Variants in KIAA0753 observed in about 807,000 individuals in gnomAD.
The protein encoded by KIAA0753 is KIAA0753.
KIAA0753 carries 114 observed loss-of-function variants against 116.9 expected under a neutral mutation model. The observed-to-expected ratio is 0.98, with a 90% CI of 0.84 to 1.14. The LOEUF (loss-of-function observed/expected upper bound fraction) is 1.14, where lower values mean the gene tolerates loss of function less well. KIAA0753 is among the 50% of genes most tolerant of loss of function. KIAA0753 has a pLI of 0.00. For synonymous variants in KIAA0753, 405 were observed against 413.1 expected (o/e 0.98, Z 0.24); for missense variants, 1,156 against 1,172.4 (o/e 0.99, Z 0.20).
rs1178808159 is a variant in KIAA0753 at position 6,590,519 on chromosome 17, C to T, written c.2552G>A (p.Cys851Tyr). Residue 851 changes from cysteine to tyrosine, a missense_variant, in exon 17 of 19, where the codon TGT (cysteine) becomes TAT (tyrosine). Transcript: ENST00000361413. ...PAVNIMLERP[C>Y]NGNSLDESVG... ...TGTCTTTGCCACTTACTTGCCATTACAGGGCCTTTCTAACATGATGTTCAC... is the reference window on the plus strand; with the variant it reads ...TGTCTTTGCCACTTACTTGCCATTATAGGGCCTTTCTAACATGATGTTCAC... 1.2e-6 allele frequency: 2 copies of T among 1,613,986 alleles called. No homozygotes were observed. The highest frequency in any genetic ancestry group is 1.7e-6 in the Non-Finnish European group (2 of 1,179,878).
At chr17:6,599,441 CT>C in intron 13 of KIAA0753, 121 bp from the exon 14 acceptor site, 1 of 669,492 alleles carries the variant, frequency 1.5e-6, no homozygotes, top group Non-Finnish European at 2.6e-6. Context: ...CTACATTAGG[CT>C]TTTTGCAGCA....
intron 6 of KIAA0753, 140 bp from the exon 7 acceptor site, chr17:6,621,138 CAT>C (rs1971295510): frequency 2.7e-6 from 2 of 734,510 alleles, no homozygotes; most frequent in East Asian, 2.7e-5. Flanking sequence ...TTAATTAAAA[CAT>C]GTTATTATTT....
At chr17:6,632,971 A>G (rs1972098129) in intron 2 of KIAA0753, among the ~76,000 whole-genome samples, 1 of 152,148 alleles carries the variant, frequency 6.6e-6, no homozygotes, top group African/African-American at 2.4e-5. Context: ...CTTTTGCTAT[A>G]AAGGACACTA....
rs531867865 is a variant in KIAA0753, at chr17:6,597,071, G to A, written c.2173-728C>T. 4.6e-5 allele frequency among the ~76,000 whole-genome samples: 7 copies of A among 152,216 alleles called. 1 individual carries two copies. Among genetic ancestry groups the A allele is most frequent in the East Asian group, 1.9e-4 (1 of 5,184 alleles). ...TTGGGCAAGTTTACTTGACCTCTCC[G>A]GGCCTCAATCCTCTCATGTGTAATA... On this transcript the variant is annotated intron_variant, in intron 14 of 18. Coordinates refer to ENST00000361413, the MANE Select transcript of KIAA0753 (RefSeq NM_014804.3).
chr17:6,630,863 A>G (rs1173635310), intron 2 of KIAA0753, among the ~76,000 whole-genome samples: 2 of 152,242 alleles, frequency 1.3e-5, no homozygotes, highest in Non-Finnish European at 2.9e-5. Context: ...TACCCTTCAT[A>G]TAAGAAAAGA....
chr17:6,631,203 C>T (rs1283744231), intron 2 of KIAA0753, among the ~76,000 whole-genome samples: 2 of 152,144 alleles, frequency 1.3e-5, no homozygotes, highest in African/African-American at 2.4e-5. Context: ...AACTGAATCT[C>T]AGATAAGTAA....
chr17:6,586,978 T>C (rs376693073), intron 18 of KIAA0753, among the ~76,000 whole-genome samples: 1 of 152,292 alleles, frequency 6.6e-6, no homozygotes, highest in East Asian at 1.9e-4. Flanking sequence ...CTCATGCCTG[T>C]AATCCCAGCA....
Position 6,624,773 on chromosome 17 carries a change from G to A in KIAA0753, c.807C>T (p.Leu269=). ...QEQAARSARM[L]YVLQQQVKEI... ...TTCACACCTGCTGCTGGAGGACGTAGAGCATTCGGGCAGAGCGAGCAGCTT... is the reference window on the plus strand; with the variant it reads ...TTCACACCTGCTGCTGGAGGACGTAAAGCATTCGGGCAGAGCGAGCAGCTT... The change falls in exon 4 of 19, where the codon CTC becomes CTT. Residue 269 remains leucine, a synonymous_variant. Coordinates refer to ENST00000361413, the MANE Select transcript of KIAA0753 (RefSeq NM_014804.3). 2 of 1,559,666 alleles carry A rather than the reference G, an allele frequency of 1.3e-6. No individual in the cohort carries two copies. Among genetic ancestry groups the A allele is most frequent in the Non-Finnish European group, 1.7e-6 (2 of 1,150,176 alleles).
chr17:6,618,031 G>C (rs1469910917), intron 7 of KIAA0753, among the ~76,000 whole-genome samples: 2 of 152,188 alleles, frequency 1.3e-5, no homozygotes, highest in Non-Finnish European at 2.9e-5. Context: ...GAACCTGGGA[G>C]GCGGAGGTTG....
chr17:6,585,535 T>G (rs1274726237), intron 18 of KIAA0753, among the ~76,000 whole-genome samples: 2 of 152,136 alleles, frequency 1.3e-5, no homozygotes, highest in Non-Finnish European at 2.9e-5. Context: ...TAGAACGGCT[T>G]CTAATTTTAA....
At chr17:6,597,209 C>T (rs532298370) in intron 14 of KIAA0753, among the ~76,000 whole-genome samples, 39 of 152,084 alleles carry the variant, frequency 2.6e-4, no homozygotes, top group South Asian at 8.3e-4. Context: ...GTTACAGCTA[C>T]GGCAATTTAA....
rs1193421185 is a variant in KIAA0753, at chr17:6,630,209, C to A, written c.94-1468G>T. ...CAGGGAAAAACATATGACCAATTTA[C>A]CAAAAAAGAGGTCCTTAAGTACATA... On this transcript the variant is annotated intron_variant, in intron 2 of 18. Coordinates refer to ENST00000361413, the MANE Select transcript of KIAA0753 (RefSeq NM_014804.3). Among the ~76,000 whole-genome samples, 6 of 151,808 alleles carry A rather than the reference C, an allele frequency of 4.0e-5. No individual in the cohort carries two copies. In the East Asian group the frequency reaches 1.2e-3, roughly 29 times the overall value.
intron 18 of KIAA0753, among the ~76,000 whole-genome samples, chr17:6,589,573 C>T (rs1237600109): frequency 6.6e-6 from 1 of 152,084 alleles, no homozygotes; most frequent in Middle Eastern, 3.2e-3. Flanking sequence ...TGCAGAGCAC[C>T]CCTGTGGATG....
chr17:6,600,605 G>A (rs1969800522), intron 12 of KIAA0753, 147 bp from the exon 13 acceptor site: 2 of 618,904 alleles, frequency 3.2e-6, no homozygotes, highest in South Asian at 1.9e-5. Flanking sequence ...TGGGGATCTT[G>A]TGAAAATGTA....
In KIAA0753 at chr17:6,579,254, C is replaced by T. The variant is rs1967968964; in HGVS notation, c.*493G>A. 6.5e-6 allele frequency: 1 copy of T among 154,508 alleles called. No individual in the cohort carries two copies. The highest frequency in any genetic ancestry group is 2.4e-5 in the African/African-American group (1 of 41,500). The allele number at this position is 154,508 out of a possible 1,614,324, so 9.6% of individuals were successfully genotyped here. A position where few individuals can be genotyped will look rare whatever the true frequency, so the allele number is the denominator to read the frequency against. ...CCAGACTGTGCTCTCCCTGAGTCTA[C>T]AGCCTAGTAGGGCCAGAGGTCCTGA... On this transcript the variant is annotated 3_prime_UTR_variant, in exon 19 of 19. Transcript: ENST00000361413.
intron 18 of KIAA0753, among the ~76,000 whole-genome samples, chr17:6,582,847 G>A (rs1229678141): frequency 1.3e-5 from 2 of 152,104 alleles, no homozygotes; most frequent in Non-Finnish European, 2.9e-5. Context: ...CCCATACAAT[G>A]CAAGAACCTT....
chr17:6,638,279 CCA>C (rs1207193604), intron 1 of KIAA0753: 1 of 152,964 alleles, frequency 6.5e-6, no homozygotes, highest in East Asian at 1.9e-4. Context: ...CCCCCCGAAG[CCA>C]CAGATATTCT....
At chr17:6,594,234 C>G (rs577879808) in intron 16 of KIAA0753, among the ~76,000 whole-genome samples, 3 of 151,938 alleles carry the variant, frequency 2.0e-5, no homozygotes, top group African/African-American at 7.2e-5. Context: ...ATGAACTTGC[C>G]AACACCCTGA....
At chr17:6,627,359 G>A (rs1971733940) in intron 3 of KIAA0753, among the ~76,000 whole-genome samples, 1 of 151,928 alleles carries the variant, frequency 6.6e-6, no homozygotes, top group Admixed American at 6.6e-5. Flanking sequence ...ATGCATATAG[G>A]TACATATGCA....
Sources: allele counts gnomAD v4.1 joint callset (sites outside exome capture counted in the v4.1 genomes callset), GRCh38; gene constraint gnomAD v4.1.1; transcripts MANE v1.5; gene names NCBI Gene and HGNC (gene_info 2026-07-23, HGNC 2026-07-21).